EPHB1: variants seen among roughly 807,000 people sequenced by gnomAD.
EPHB1 encodes the protein ephrin type-B receptor 1.
In EPHB1, 30 loss-of-function variants were observed where a neutral mutation model predicts 94.4. That is an observed-to-expected ratio of 0.32 (90% CI 0.24 to 0.43). The LOEUF is 0.43. Among genes scored for constraint, EPHB1 ranks in the 20% least tolerant of loss-of-function variants. The pLI, the probability that EPHB1 is intolerant of heterozygous loss-of-function variation, is 1.00. For missense variants in EPHB1, 1,055 were observed against 1,308.3 expected (o/e 0.81, Z 2.99); for synonymous variants, 522 against 489.1 (o/e 1.07, Z -0.89).
intron 12 of EPHB1, among the ~76,000 whole-genome samples, chr3:135,236,512 A>G (rs1474243711): frequency 4.6e-5 from 7 of 152,214 alleles, no homozygotes; most frequent in Non-Finnish European, 7.3e-5. Flanking sequence ...TTATTGTTTA[A>G]TGATAATAAG....
At chr3:134,937,949 C>G (rs3796196) in intron 2 of EPHB1, among the ~76,000 whole-genome samples, 3,490 of 95,764 alleles carry the variant, frequency 0.036, 101 homozygotes, top group African/African-American at 0.11. Flanking sequence ...TTCTTGTTTT[C>G]TGGACCTCCT....
chr3:134,920,960 G>A (rs1476411168), intron 1 of EPHB1, among the ~76,000 whole-genome samples: 1 of 151,976 alleles, frequency 6.6e-6, no homozygotes, highest in Non-Finnish European at 1.5e-5. Context: ...TGTTGCTCAG[G>A]TTGGTCTCAA....
chr3:135,122,736 T>C (rs556543806), intron 4 of EPHB1, among the ~76,000 whole-genome samples: 8 of 152,306 alleles, frequency 5.3e-5, no homozygotes, highest in South Asian at 2.1e-4. Flanking sequence ...ATTGGCTCCA[T>C]TGAAGCAGGA....
chr3:135,258,959 C>T (rs1460195791), intron 15 of EPHB1, 53 bp from the exon 16 acceptor site: 20 of 1,408,032 alleles, frequency 1.4e-5, no homozygotes, highest in East Asian at 7.4e-5. Flanking sequence ...TTTTGATCTG[C>T]GAAAAGCTAA....
chr3:135,025,216 T>C (rs1248060683), intron 3 of EPHB1, among the ~76,000 whole-genome samples: 1 of 125,472 alleles, frequency 8.0e-6, no homozygotes, highest in Non-Finnish European at 1.7e-5. Context: ...TTTATTTATT[T>C]ATTTATTATT....
chr3:134,997,359 C>A (rs1935028797), intron 3 of EPHB1, among the ~76,000 whole-genome samples: 1 of 152,152 alleles, frequency 6.6e-6, no homozygotes, highest in Non-Finnish European at 1.5e-5. Context: ...GTGATTTTTC[C>A]TGGTGAGCTC....
chr3:135,191,691 C>T (rs932399811), intron 10 of EPHB1, among the ~76,000 whole-genome samples: 3 of 150,642 alleles, frequency 2.0e-5, no homozygotes, highest in Non-Finnish European at 4.4e-5. Flanking sequence ...TGTTTCTACT[C>T]TTGGTGACTT....
At chr3:135,024,538 C>G (rs1043291916) in intron 3 of EPHB1, among the ~76,000 whole-genome samples, 1 of 152,182 alleles carries the variant, frequency 6.6e-6, no homozygotes, top group African/African-American at 2.4e-5. Flanking sequence ...GAGCAGAGCA[C>G]GTGTCTGGGG....
chr3:134,817,548 T>G (rs1274601290), intron 1 of EPHB1, among the ~76,000 whole-genome samples: 1 of 152,244 alleles, frequency 6.6e-6, no homozygotes, highest in Admixed American at 6.5e-5. Context: ...AGGCTGCTAT[T>G]GGGAGTCAGA....
At chr3:135,007,217 C>T (rs1382529204) in intron 3 of EPHB1, among the ~76,000 whole-genome samples, 1 of 152,164 alleles carries the variant, frequency 6.6e-6, no homozygotes, top group Non-Finnish European at 1.5e-5. Context: ...CTGCCTAACG[C>T]AGTAGCAATT....
intron 1 of EPHB1, among the ~76,000 whole-genome samples, chr3:134,821,904 T>C (rs1185163703): frequency 6.6e-6 from 1 of 151,822 alleles, no homozygotes; most frequent in Non-Finnish European, 1.5e-5. Flanking sequence ...ATCGGGGAGG[T>C]CAGAGCTTGA....
At position 135,166,947 on chromosome 3, in the gene EPHB1, G is replaced by C; in HGVS notation, c.1700G>C (p.Arg567Pro). The C allele has an allele frequency of 6.2e-7, 1 of 1,614,088 alleles. No individual in the cohort carries two copies. The highest frequency in any genetic ancestry group is 8.5e-7 in the Non-Finnish European group (1 of 1,179,984). Reference sequence around the variant, plus strand: ...GCCCCTCTTTTTATCCACAGGAAACGGGCTTATAGCAAAGAGGCTGTGTAC... The same window carrying C: ...GCCCCTCTTTTTATCCACAGGAAACCGGCTTATAGCAAAGAGGCTGTGTAC... ...VAISIVCSRK[R>P]AYSKEAVYSD... Residue 567 changes from arginine to proline, a missense_variant, in exon 9 of 16, where the codon CGG (arginine) becomes CCG (proline). Coordinates refer to ENST00000398015, the MANE Select transcript of EPHB1 (RefSeq NM_004441.5).
intron 2 of EPHB1, among the ~76,000 whole-genome samples, chr3:134,935,779 T>C (rs1158586880): frequency 6.6e-6 from 1 of 152,102 alleles, no homozygotes; most frequent in Non-Finnish European, 1.5e-5. Flanking sequence ...GATTCTTACA[T>C]GAACAATGTC....
intron 15 of EPHB1, among the ~76,000 whole-genome samples, chr3:135,252,207 ATTT>A (rs950812157): frequency 3.3e-5 from 5 of 151,046 alleles, no homozygotes; most frequent in South Asian, 2.1e-4. Flanking sequence ...ATTTTTTAAT[ATTT>A]TTTATTTATT....
intron 1 of EPHB1, among the ~76,000 whole-genome samples, chr3:134,906,836 G>A (rs115868188): frequency 2.6e-5 from 4 of 152,280 alleles, no homozygotes; most frequent in Non-Finnish European, 4.4e-5. Context: ...CAGCCCAGAG[G>A]CTATCACCCC....
intron 3 of EPHB1, among the ~76,000 whole-genome samples, chr3:135,095,058 C>A (rs1938708539): frequency 6.6e-6 from 1 of 152,220 alleles, no homozygotes; most frequent in Non-Finnish European, 1.5e-5. Flanking sequence ...GTCCTAGTCT[C>A]TGAGTGAGAC....
rs569501361 is a variant in EPHB1 at position 135,258,951 on chromosome 3, T to C, written c.2847-61T>C. 6.8e-5 allele frequency: 90 copies of C among 1,329,730 alleles called. 2 individuals carry two copies. The East Asian group carries it at 2.2e-3, about 33-fold the overall frequency. The allele number at this position is 1,329,730 out of a possible 1,614,324, so 82.4% of individuals were successfully genotyped here. A position where few individuals can be genotyped will look rare whatever the true frequency, so the allele number is the denominator to read the frequency against. On this transcript the variant is annotated intron_variant, in intron 15 of 15. Coordinates refer to ENST00000398015, the MANE Select transcript of EPHB1 (RefSeq NM_004441.5). ...AAGAACATGGCTTTAGTGATGAGTTTTGATCTGCGAAAAGCTAACCTAACA... is the reference window on the plus strand; with the variant it reads ...AAGAACATGGCTTTAGTGATGAGTTCTGATCTGCGAAAAGCTAACCTAACA...
chr3:135,228,274 T>C (rs1943448171), intron 12 of EPHB1, among the ~76,000 whole-genome samples: 2 of 152,206 alleles, frequency 1.3e-5, no homozygotes, highest in South Asian at 4.1e-4. Flanking sequence ...AATAGACTCT[T>C]CCTCATTTTG....
intron 3 of EPHB1, among the ~76,000 whole-genome samples, chr3:134,992,220 CAG>C (rs1311772537): frequency 6.6e-6 from 1 of 152,108 alleles, no homozygotes; most frequent in Non-Finnish European, 1.5e-5. Context: ...GCCCAGCACT[CAG>C]GGGGTGATCC....
Sources: allele counts gnomAD v4.1 joint callset (sites outside exome capture counted in the v4.1 genomes callset), GRCh38; gene constraint gnomAD v4.1.1; transcripts MANE v1.5; gene names NCBI Gene and HGNC (gene_info 2026-07-23, HGNC 2026-07-21).